ANK2: variants seen among roughly 807,000 people sequenced by gnomAD.
ANK2 encodes ankyrin 2.
A neutral mutation model predicts 360.5 loss-of-function variants in ANK2; 83 were observed. The ratio of observed to expected loss-of-function variants is 0.23; its 90% CI spans 0.19 to 0.28. The LOEUF (loss-of-function observed/expected upper bound fraction) is 0.28, where lower values mean the gene tolerates loss of function less well. Ranked by LOEUF, ANK2 falls within the 10% of genes least tolerant of loss-of-function variation. ANK2 has a pLI of 1.00. For missense variants in ANK2, 4,201 were observed against 4,795.7 expected, an observed-to-expected ratio of 0.88 and a Z score of 3.66; for synonymous variants, 1,740 against 1,759.5, an observed-to-expected ratio of 0.99 and a Z score of 0.28.
At chr4:113,372,389 G>T (rs201432089) in intron 43 of ANK2, 1 of 571,456 alleles carries the variant, frequency 1.7e-6, no homozygotes, top group South Asian at 2.3e-5. Flanking sequence ...AGACCAGCAC[G>T]TATTTGTTTT....
At chr4:112,895,793 T>G (rs930360352) in intron 1 of ANK2, among the ~76,000 whole-genome samples, 21 of 152,204 alleles carry the variant, frequency 1.4e-4, no homozygotes, top group African/African-American at 4.8e-4. Flanking sequence ...TCCTGAGTAT[T>G]TATAAATTCC....
chr4:113,221,096 C>T (rs916768512), intron 4 of ANK2, among the ~76,000 whole-genome samples: 9 of 152,094 alleles, frequency 5.9e-5, no homozygotes, highest in Admixed American at 4.6e-4. Flanking sequence ...ATTTTGTTAA[C>T]GAAAAACTCA....
intron 45 of ANK2, among the ~76,000 whole-genome samples, chr4:113,378,423 C>G (rs141800026): frequency 1.1e-3 from 169 of 152,320 alleles, no homozygotes; most frequent in Admixed American, 3.6e-3. Flanking sequence ...CTTACACAGT[C>G]TGACTCCCTG....
chr4:112,908,285 T>C (rs2085941047), intron 2 of ANK2, among the ~76,000 whole-genome samples: 1 of 152,236 alleles, frequency 6.6e-6, no homozygotes, highest in African/African-American at 2.4e-5. Context: ...AACTTGGTTT[T>C]ACATTTGATG....
At chr4:112,949,768 GAAAC>G (rs1188772327) in intron 2 of ANK2, among the ~76,000 whole-genome samples, 3 of 152,102 alleles carry the variant, frequency 2.0e-5, no homozygotes, top group Admixed American at 1.3e-4. Flanking sequence ...CCAAAGGTAA[GAAAC>G]AAACAGGAAA....
chr4:113,285,408 T>C (rs780268666), intron 18 of ANK2, among the ~76,000 whole-genome samples: 20 of 152,198 alleles, frequency 1.3e-4, no homozygotes, highest in Non-Finnish European at 2.6e-4. Flanking sequence ...CCTCTGAACT[T>C]CTGACCTACT....
intron 26 of ANK2, among the ~76,000 whole-genome samples, chr4:113,320,136 C>A (rs973755268): frequency 6.6e-6 from 1 of 152,106 alleles, no homozygotes; most frequent in African/African-American, 2.4e-5. Context: ...CTCAATTACA[C>A]CCCAATTATG....
At chr4:113,310,100 G>A (rs909048475) in intron 23 of ANK2, among the ~76,000 whole-genome samples, 1 of 152,144 alleles carries the variant, frequency 6.6e-6, no homozygotes, top group East Asian at 1.9e-4. Flanking sequence ...CCCTACCAAG[G>A]TGTAACAAGA....
upstream of ANK2, among the ~76,000 whole-genome samples, chr4:112,813,248 A>T (rs897343650): frequency 1.3e-5 from 2 of 151,296 alleles, no homozygotes; most frequent in African/African-American, 4.9e-5. Flanking sequence ...AAAAAAAAAA[A>T]AAAATCAAAA....
chr4:112,800,757 C>T, the ANK2 span, among the ~76,000 whole-genome samples: 8 of 152,230 alleles, frequency 5.3e-5, 1 homozygote, highest in South Asian at 2.1e-4. Flanking sequence ...CAGGTTCAAG[C>T]GATTCTCCTG....
At chr4:113,180,214 T>C (rs756687234) in intron 2 of ANK2, among the ~76,000 whole-genome samples, 2 of 152,220 alleles carry the variant, frequency 1.3e-5, no homozygotes, top group Admixed American at 6.5e-5. Flanking sequence ...ACATTAACAA[T>C]GTGGATGCTG....
intron 23 of ANK2, among the ~76,000 whole-genome samples, chr4:113,309,193 A>C (rs1322111515): frequency 6.6e-6 from 1 of 152,238 alleles, no homozygotes; most frequent in Non-Finnish European, 1.5e-5. Context: ...CACTGACAAG[A>C]TTAGTCCCCA....
the ANK2 span, among the ~76,000 whole-genome samples, chr4:112,773,361 A>C: frequency 6.6e-6 from 1 of 152,174 alleles, no homozygotes; most frequent in East Asian, 1.9e-4. Context: ...AAGAACACAA[A>C]ATTGGCCCAT....
At chr4:112,782,678 C>T in the ANK2 span, among the ~76,000 whole-genome samples, 2 of 151,660 alleles carry the variant, frequency 1.3e-5, no homozygotes, top group African/African-American at 4.8e-5. Flanking sequence ...ATCAGTCTGG[C>T]CAACATGGTG....
At chr4:113,084,463 A>C (rs2083677117) in intron 1 of ANK2, among the ~76,000 whole-genome samples, 2 of 152,250 alleles carry the variant, frequency 1.3e-5, no homozygotes, top group Non-Finnish European at 2.9e-5. Context: ...ACGCGATTAA[A>C]TCCATAATTG....
At chr4:113,168,295 A>T (rs2097824693) in intron 1 of ANK2, among the ~76,000 whole-genome samples, 1 of 152,222 alleles carries the variant, frequency 6.6e-6, no homozygotes, top group Non-Finnish European at 1.5e-5. Flanking sequence ...TATTGTTATG[A>T]TTCCAATTCT....
At chr4:112,764,287 C>T in the ANK2 span, among the ~76,000 whole-genome samples, 2 of 151,958 alleles carry the variant, frequency 1.3e-5, no homozygotes, top group Admixed American at 1.3e-4. Context: ...ATTTTTTCGT[C>T]CCATTGATCT....
the ANK2 span, among the ~76,000 whole-genome samples, chr4:112,796,598 C>T: frequency 6.6e-6 from 1 of 151,550 alleles, no homozygotes; most frequent in Non-Finnish European, 1.5e-5. Flanking sequence ...AATCCTCTCA[C>T]TTTGGCCTCC....
At chr4:112,867,421 A>G (rs1016474473) in intron 1 of ANK2, among the ~76,000 whole-genome samples, 14 of 151,992 alleles carry the variant, frequency 9.2e-5, no homozygotes, top group Non-Finnish European at 1.5e-4. Context: ...TATAATACAC[A>G]TATAATAAAA....
Sources: gnomAD v4.1 joint callset for allele counts (sites outside exome capture counted in the v4.1 genomes callset) on GRCh38, gnomAD v4.1.1 for gene constraint, MANE v1.5 for transcripts, NCBI Gene and HGNC (gene_info 2026-07-23, HGNC 2026-07-21) for gene names.